The following FREM1 variants were observed in gnomAD, a reference collection of about 807,000 sequenced individuals.
The protein encoded by FREM1 is FRAS1 related extracellular matrix 1, also known as FRAS1-related extracellular matrix protein 1.
A neutral mutation model predicts 210.1 loss-of-function variants in FREM1; 220 were observed. That is an observed-to-expected ratio of 1.05 (90% CI 0.94 to 1.17). The LOEUF (loss-of-function observed/expected upper bound fraction) is 1.17, where lower values mean the gene tolerates loss of function less well. FREM1 is among the 50% of genes most tolerant of loss of function. FREM1 has a pLI of 0.00. For missense variants in FREM1, 3,454 were observed against 2,675.5 expected, an observed-to-expected ratio of 1.29 and a Z score of -6.42; for synonymous variants, 1,189 against 980.2, an observed-to-expected ratio of 1.21 and a Z score of -3.98.
intron 27 of FREM1, among the ~76,000 whole-genome samples, chr9:14,763,259 C>G (rs1038595881): frequency 9.2e-5 from 14 of 152,200 alleles, no homozygotes; most frequent in African/African-American, 3.4e-4. Flanking sequence ...CTCTGTCCTC[C>G]TCGCATTAGA....
intron 35 of FREM1, 100 bp downstream of exon 35, chr9:14,746,253 C>T: frequency 1.2e-6 from 1 of 851,156 alleles, no homozygotes; most frequent in Non-Finnish European, 1.9e-6. Context: ...ATTAGGCACT[C>T]AATACTTGTT....
intron 14 of FREM1, 107 bp from the exon 15 acceptor site, chr9:14,816,978 A>G: frequency 2.5e-6 from 1 of 408,018 alleles, no homozygotes; most frequent in Non-Finnish European, 4.4e-6. Context: ...TTCACTAAAT[A>G]AATAAATAGC....
intron 13 of FREM1, among the ~76,000 whole-genome samples, chr9:14,821,228 T>C: frequency 6.6e-6 from 1 of 152,122 alleles, no homozygotes. Context: ...TTAATTTTGT[T>C]TCTAATATCC....
chr9:14,825,673 C>G (rs952339138), intron 10 of FREM1, among the ~76,000 whole-genome samples: 4 of 151,060 alleles, frequency 2.6e-5, no homozygotes, highest in African/African-American at 9.7e-5. Flanking sequence ...TACCAACAAC[C>G]TGTGCTTTCT....
At chr9:14,900,949 T>C (rs541505596) in intron 1 of FREM1, among the ~76,000 whole-genome samples, 82 of 152,248 alleles carry the variant, frequency 5.4e-4, no homozygotes, top group Admixed American at 1.0e-3. Context: ...AGCAAAATTG[T>C]CAGAAAGGAA....
At chr9:14,786,477 G>C (rs566172085) in intron 23 of FREM1, among the ~76,000 whole-genome samples, 1 of 152,310 alleles carries the variant, frequency 6.6e-6, no homozygotes, top group South Asian at 2.1e-4. Flanking sequence ...AACCATCAAA[G>C]TGGTACAATT....
chr9:14,748,681 C>G (rs367580218), intron 30 of FREM1, 42 bp from the exon 31 acceptor site: 67 of 1,283,136 alleles, frequency 5.2e-5, no homozygotes, highest in Non-Finnish European at 7.3e-5. Context: ...TCATTTTACA[C>G]AAACAGATAA....
At chr9:14,906,233 G>C (rs1020680035) in intron 1 of FREM1, among the ~76,000 whole-genome samples, 3 of 152,156 alleles carry the variant, frequency 2.0e-5, no homozygotes, top group African/African-American at 7.2e-5. Flanking sequence ...CAACATTACA[G>C]AGCCAAAGAA....
intron 16 of FREM1, among the ~76,000 whole-genome samples, chr9:14,810,426 C>T (rs568915669): frequency 6.6e-6 from 1 of 152,166 alleles, no homozygotes; most frequent in Non-Finnish European, 1.5e-5. Context: ...ATGATTGGTA[C>T]TTAAAAATGT....
intron 28 of FREM1, among the ~76,000 whole-genome samples, chr9:14,759,536 C>A (rs1162458835): frequency 6.3e-4 from 3 of 4,754 alleles, no homozygotes; most frequent in Non-Finnish European, 2.0e-3. Context: ...ATAATAATAT[C>A]TCTTGTGCTA....
intron 20 of FREM1, among the ~76,000 whole-genome samples, chr9:14,798,687 T>C (rs927150632): frequency 7.2e-5 from 11 of 152,108 alleles, no homozygotes; most frequent in Admixed American, 2.6e-4. Context: ...ATAACAATTT[T>C]TTTTGTGACA....
chr9:14,825,596 T>C (rs1026197565), intron 10 of FREM1, among the ~76,000 whole-genome samples: 2 of 141,304 alleles, frequency 1.4e-5, no homozygotes, highest in African/African-American at 2.6e-5. Context: ...AATCCAGTCA[T>C]GAGTGCTACA....
chr9:14,856,258 C>A (rs1344297571), intron 5 of FREM1, among the ~76,000 whole-genome samples: 1 of 152,104 alleles, frequency 6.6e-6, no homozygotes, highest in Non-Finnish European at 1.5e-5. Flanking sequence ...GTTAAGTGGA[C>A]GTTTGAACCC....
At chr9:14,803,864 A>C (rs1268805820) in intron 19 of FREM1, among the ~76,000 whole-genome samples, 2 of 152,242 alleles carry the variant, frequency 1.3e-5, no homozygotes, top group Non-Finnish European at 2.9e-5. Context: ...ACAATGGTAT[A>C]CTTATGAAAA....
chr9:14,769,619 T>C lies in FREM1; in HGVS notation c.5204+105A>G. On this transcript the variant is annotated intron_variant, in intron 27 of 36. Coordinates refer to ENST00000380880, the MANE Select transcript of FREM1 (RefSeq NM_001379081.2). ...ATGAGCTTGTGAAATGGTCTATTAA[T>C]TTATCTTCTTGGGTTCTGTTTTAAA... 7 of 1,212,190 alleles carry C rather than the reference T, an allele frequency of 5.8e-6. No individual in the cohort carries two copies. The Admixed American group carries it at 1.2e-4, about 21-fold the overall frequency. The allele number at this position is 1,212,190 out of a possible 1,614,324, so 75.1% of individuals were successfully genotyped here.
At chr9:14,799,610 C>A (rs1160591389) in intron 20 of FREM1, among the ~76,000 whole-genome samples, 1 of 151,362 alleles carries the variant, frequency 6.6e-6, no homozygotes, top group Non-Finnish European at 1.5e-5. Context: ...AATTGACTTT[C>A]TTGAGAGTAA....
chr9:14,828,438 G>A (rs987285741), intron 10 of FREM1, among the ~76,000 whole-genome samples: 1 of 151,990 alleles, frequency 6.6e-6, no homozygotes, highest in African/African-American at 2.4e-5. Context: ...TGATTTTATT[G>A]TGCTCACAGC....
chr9:14,809,043 C>A (rs909525484), intron 16 of FREM1, among the ~76,000 whole-genome samples: 1 of 152,176 alleles, frequency 6.6e-6, no homozygotes, highest in Non-Finnish European at 1.5e-5. Context: ...TCCCACATTT[C>A]GTGAGAGGAA....
intron 1 of FREM1, among the ~76,000 whole-genome samples, chr9:14,877,963 C>A (rs1389886962): frequency 6.6e-6 from 1 of 152,232 alleles, no homozygotes; most frequent in African/African-American, 2.4e-5. Flanking sequence ...CCAGCTACTT[C>A]TTACTACCTC....
Sources: gnomAD v4.1 joint callset for allele counts (sites outside exome capture counted in the v4.1 genomes callset) on GRCh38, gnomAD v4.1.1 for gene constraint, MANE v1.5 for transcripts, NCBI Gene and HGNC (gene_info 2026-07-23, HGNC 2026-07-21) for gene names.